Variants in PIK3C2A observed in about 807,000 individuals in gnomAD.
PIK3C2A encodes phosphatidylinositol-4-phosphate 3-kinase catalytic subunit type 2 alpha, also known as phosphatidylinositol 4-phosphate 3-kinase C2 domain-containing subunit alpha.
PIK3C2A carries 97 observed loss-of-function variants against 204.5 expected under a neutral mutation model. The observed-to-expected ratio is 0.47, with a 90% CI of 0.40 to 0.56. The LOEUF is 0.56. PIK3C2A is among the 20% of genes least tolerant of loss of function. The pLI is 0.00. For missense variants in PIK3C2A, 1,735 were observed against 1,969.2 expected, an observed-to-expected ratio of 0.88 and a Z score of 2.25; for synonymous variants, 653 against 664.4, an observed-to-expected ratio of 0.98 and a Z score of 0.26.
chr11:17,116,881 G>A (rs1020457989), intron 19 of PIK3C2A, among the ~76,000 whole-genome samples: 2 of 152,072 alleles, frequency 1.3e-5, no homozygotes, highest in Non-Finnish European at 2.9e-5. Flanking sequence ...GAGCCACCAC[G>A]CCTGGCCAGC....
chr11:17,178,238 T>C (rs1211928312), intron 1 of PIK3C2A, among the ~76,000 whole-genome samples: 1 of 152,172 alleles, frequency 6.6e-6, no homozygotes, highest in Non-Finnish European at 1.5e-5. Flanking sequence ...TGAAATATTT[T>C]ATGATTTTAA....
chr11:17,147,352 G>A (rs191482232), intron 6 of PIK3C2A, among the ~76,000 whole-genome samples, 165 bp downstream of exon 6: 31 of 152,276 alleles, frequency 2.0e-4, no homozygotes, highest in African/African-American at 7.2e-4. Flanking sequence ...AAACCTCCAT[G>A]ATTGAACATC....
intron 1 of PIK3C2A, among the ~76,000 whole-genome samples, chr11:17,170,136 T>C (rs1303124804): frequency 6.6e-6 from 1 of 152,182 alleles, no homozygotes; most frequent in Non-Finnish European, 1.5e-5. Context: ...ATTCTTAGCA[T>C]GAAATGACTT....
At chr11:17,116,283 T>C (rs1166367960) in intron 19 of PIK3C2A, among the ~76,000 whole-genome samples, 2 of 152,078 alleles carry the variant, frequency 1.3e-5, no homozygotes, top group South Asian at 2.1e-4. Flanking sequence ...AATAAACATA[T>C]GAGAATGTGC....
rs918333252 is a variant in PIK3C2A, at chr11:17,207,921, CCTCAG to C, written c.-144_-140del. Reference sequence around the variant, plus strand: ...CCGCCACAGTCCGAGCCATTTTTCCCCTCAGCTGGCTCAGCCGCCGCCGAAAGCTT... The same window carrying C: ...CCGCCACAGTCCGAGCCATTTTTCCCCTGGCTCAGCCGCCGCCGAAAGCTT... On this transcript the variant is annotated 5_prime_UTR_variant, in exon 1 of 33. Coordinates refer to ENST00000691414, the MANE Select transcript of PIK3C2A (RefSeq NM_002645.4). 2.0e-5 allele frequency: 3 copies of C among 152,532 alleles called. No individual in the cohort carries two copies. Among genetic ancestry groups the C allele is most frequent in the African/African-American group, 4.8e-5 (2 of 41,472 alleles). The allele number at this position is 152,532 out of a possible 1,614,324, so 9.4% of individuals were successfully genotyped here. A position where few individuals can be genotyped will look rare whatever the true frequency, so the allele number is the denominator to read the frequency against.
chr11:17,100,104 T>C lies in PIK3C2A; in HGVS notation c.4009-135A>G, dbSNP rs558091687. 5.6e-4 allele frequency: 273 copies of C among 489,548 alleles called. 1 individual carries two copies. Among genetic ancestry groups the C allele is most frequent in the African/African-American group, 4.2e-3 (214 of 51,048 alleles). 30.3% of individuals were successfully genotyped at this position (489,548 alleles called of 1,614,324 possible). A position where few individuals can be genotyped will look rare whatever the true frequency, so the allele number is the denominator to read the frequency against. ...CAGTCTTGAGGGGTTCATTAGTGTA[T>C]TGGGGACCTAGGTGATTATCTAACA... On this transcript the variant is annotated intron_variant, in intron 25 of 32. Transcript: ENST00000691414.
chr11:17,114,697 C>T (rs535850905), intron 19 of PIK3C2A, among the ~76,000 whole-genome samples: 5 of 152,126 alleles, frequency 3.3e-5, no homozygotes, highest in Non-Finnish European at 5.9e-5. Flanking sequence ...TTAAAGCTCA[C>T]TAATAGTCAA....
intron 13 of PIK3C2A, among the ~76,000 whole-genome samples, chr11:17,126,321 G>A (rs144410507): frequency 1.3e-5 from 2 of 151,782 alleles, no homozygotes; most frequent in East Asian, 3.9e-4. Context: ...GGATCGGATG[G>A]CGGGAAGATG....
Position 17,169,728 on chromosome 11 carries a change from G to A in PIK3C2A, c.14C>T (p.Ser5Phe). 4 of 1,599,218 alleles carry A rather than the reference G, an allele frequency of 2.5e-6. No homozygotes were observed. In the Middle Eastern group the frequency reaches 5.0e-4, roughly 199 times the overall value. MAQI[S>F]SNSGFKECPS... is the part of the protein sequence containing the mutation. ...ACATTCTTTAAATCCGCTGTTGCTA[G>A]ATATCTGAGCCATGTCCACTAAAAA... Residue 5 changes from serine to phenylalanine, a missense_variant, in exon 2 of 33, where the codon TCT (serine) becomes TTT (phenylalanine). Ser to Phe is a radical substitution (Grantham distance 155). Around this residue, in one of 6 missense-constraint regions of PIK3C2A, gnomAD observed 536 missense variants for 546.7 expected, o/e 0.98. Coordinates refer to ENST00000691414, the MANE Select transcript of PIK3C2A (RefSeq NM_002645.4).
Position 17,101,353 on chromosome 11 carries a change from C to G in PIK3C2A, c.3933G>C (p.Leu1311Phe). Residue 1311 changes from leucine to phenylalanine, a missense_variant, in exon 25 of 33, where the codon TTG (leucine) becomes TTC (phenylalanine). Coordinates refer to ENST00000691414, the MANE Select transcript of PIK3C2A (RefSeq NM_002645.4). The stretch of plus-strand genomic sequence containing the variant: ...AGGCCTGACAGCAGAGGTCCACAAA[C>G]AACTGAAAACGAATGGTGGGCTTTT... The part of the protein sequence containing the change: ...GGEKPTIRFQ[L>F]FVDLCCQAYN... 1 of 1,600,040 alleles carries G rather than the reference C, an allele frequency of 6.2e-7. No homozygotes were observed. Among genetic ancestry groups the G allele is most frequent in the Non-Finnish European group, 8.6e-7 (1 of 1,169,408 alleles).
chr11:17,169,309 C>T lies in PIK3C2A; in HGVS notation c.433G>A (p.Gly145Arg), dbSNP rs550256113. ...GCATAAGTGGAAGGCCCAGGTAATCCAGGTGGCCACTGTCCTCTCTGAATA... is the reference window on the plus strand; with the variant it reads ...GCATAAGTGGAAGGCCCAGGTAATCTAGGTGGCCACTGTCCTCTCTGAATA... ...PTIQRGQWPP[G>R]LPGPSTYALP... is the part of the protein sequence containing the mutation. Residue 145 changes from glycine (G) to arginine (R), a missense_variant, in exon 2 of 33, where the codon GGA becomes AGA. By Grantham distance (125) the Gly-to-Arg change is moderately radical. Around this residue, in one of 6 missense-constraint regions of PIK3C2A, gnomAD observed 536 missense variants for 546.7 expected, o/e 0.98. Coordinates refer to ENST00000691414, the MANE Select transcript of PIK3C2A (RefSeq NM_002645.4). The T allele has an allele frequency of 1.3e-5, 21 of 1,614,130 alleles. No individual in the cohort carries two copies. In the Admixed American group the frequency reaches 2.8e-4, roughly 22 times the overall value.
At chr11:17,119,686 G>T in intron 16 of PIK3C2A, 100 bp downstream of exon 16, 1 of 684,638 alleles carries the variant, frequency 1.5e-6, no homozygotes. Context: ...GGATTATATT[G>T]AATTGCTTTC....
intron 1 of PIK3C2A, among the ~76,000 whole-genome samples, chr11:17,191,624 C>A (rs560466630): frequency 3.2e-4 from 48 of 152,244 alleles, no homozygotes; most frequent in African/African-American, 1.1e-3. Context: ...TAAACTGTAA[C>A]CATGAACATA....
chr11:17,172,728 G>C (rs967898405), intron 1 of PIK3C2A, among the ~76,000 whole-genome samples: 41 of 152,098 alleles, frequency 2.7e-4, no homozygotes, highest in Non-Finnish European at 8.8e-5. Context: ...TCCTCCATGT[G>C]TATCCTTAAC....
At chr11:17,091,725 G>T (rs1028132850) in intron 30 of PIK3C2A, 69 bp from the exon 31 acceptor site, 6 of 1,105,546 alleles carry the variant, frequency 5.4e-6, no homozygotes, top group Non-Finnish European at 7.9e-6. Context: ...AAAGGATTTT[G>T]CTTTATTTTC....
chr11:17,193,864 A>AGGGGAGGGGAGGGGAGGGGAGGGG lies in PIK3C2A; in HGVS notation c.-66+13983_-66+13984insCCCCTCCCCTCCCCTCCCCTCCCC, dbSNP rs1852031240. The AGGGGAGGGGAGGGGAGGGGAGGGG allele has an allele frequency of 2.1e-5, 2 of 94,738 alleles. 1 individual carries two copies. Among genetic ancestry groups the AGGGGAGGGGAGGGGAGGGGAGGGG allele is most frequent in the African/African-American group, 1.6e-4 (2 of 12,216 alleles). The allele number at this position is 94,738 out of a possible 1,614,324, so 5.9% of individuals were successfully genotyped here. A position where few individuals can be genotyped will look rare whatever the true frequency, so the allele number is the denominator to read the frequency against. On this transcript the variant is annotated intron_variant, in intron 1 of 32. Coordinates refer to ENST00000691414, the MANE Select transcript of PIK3C2A (RefSeq NM_002645.4). ...TGTCTCAAAAAAAGAAAAGAAAAGA[A>AGGGGAGGGGAGGGGAGGGGAGGGG]AAGAAAAGAAAAGAAAAGAAAAGAA...
At chr11:17,189,156 A>G (rs900105608) in intron 1 of PIK3C2A, among the ~76,000 whole-genome samples, 4 of 147,222 alleles carry the variant, frequency 2.7e-5, no homozygotes, top group Non-Finnish European at 2.9e-5. Flanking sequence ...ATTTGGACCC[A>G]GTGGTAAACT....
chr11:17,181,659 T>TACACACACACACACACAC (rs71047535), intron 1 of PIK3C2A, among the ~76,000 whole-genome samples: 1 of 113,144 alleles, frequency 8.8e-6, no homozygotes, highest in African/African-American at 4.4e-5. Context: ...TATATATATA[T>TACACACACACACACACAC]ACACACACAC....
intron 1 of PIK3C2A, among the ~76,000 whole-genome samples, chr11:17,185,430 C>T (rs1430745676): frequency 6.6e-6 from 1 of 152,110 alleles, no homozygotes; most frequent in Admixed American, 6.5e-5. Flanking sequence ...TTTCTTAGAA[C>T]ATATCCCAGC....
Sources: gnomAD v4.1 joint callset for allele counts (sites outside exome capture counted in the v4.1 genomes callset) on GRCh38, gnomAD v4.1.1 for gene constraint, gnomAD v4.1.1 regional missense constraint, MANE v1.5 for transcripts, NCBI Gene and HGNC (gene_info 2026-07-23, HGNC 2026-07-21) for gene names.